Variants in DROSHA observed in about 807,000 individuals in gnomAD.
DROSHA encodes ribonuclease 3.
A neutral mutation model predicts 181.9 loss-of-function variants in DROSHA; 56 were observed. The observed-to-expected ratio is 0.31, with a 90% CI of 0.25 to 0.38. The LOEUF is 0.38. DROSHA is among the 10% of genes least tolerant of loss of function. DROSHA has a pLI of 1.00. For synonymous variants in DROSHA, 524 were observed against 591.2 expected (o/e 0.89, Z 1.65); for missense variants, 1,218 against 1,743.5 (o/e 0.70, Z 5.37).
intron 13 of DROSHA, among the ~76,000 whole-genome samples, chr5:31,491,071 AACT>A (rs753673898): frequency 4.6e-5 from 7 of 152,122 alleles, no homozygotes; most frequent in Non-Finnish European, 8.8e-5. Flanking sequence ...GTAAACCTAA[AACT>A]ACTATTTTTT....
rs1417451671 is a variant in DROSHA at position 31,449,321 on chromosome 5, G to A, written c.2781C>T (p.Tyr927=). ...GCATGTGATGAACTTTTCTGTCTCC[G>A]TATTTGGGCTGCCGAATTCCACAGT... ...LSNCGIRQPK[Y]GDRKVHHMHM... is the part of the protein sequence containing the mutation. Residue 927 remains tyrosine, a synonymous_variant, in exon 22 of 36, where the codon TAC becomes TAT. Coordinates refer to ENST00000344624, the MANE Select transcript of DROSHA (RefSeq NM_001382508.1). The A allele has an allele frequency of 5.0e-6, 8 of 1,613,558 alleles. No homozygotes were observed. The highest frequency in any genetic ancestry group is 4.0e-5 in the African/African-American group (3 of 74,912).
chr5:31,443,514 AG>A (rs1745897610), intron 23 of DROSHA, among the ~76,000 whole-genome samples: 1 of 152,198 alleles, frequency 6.6e-6, no homozygotes, highest in Non-Finnish European at 1.5e-5. Context: ...TTGTGCTAAC[AG>A]TTCATCACAA....
At chr5:31,522,092 T>G (rs928641140) in intron 5 of DROSHA, among the ~76,000 whole-genome samples, 1 of 152,158 alleles carries the variant, frequency 6.6e-6, no homozygotes. Flanking sequence ...AAAATAGAAC[T>G]TACAAAACTG....
At position 31,511,129 on chromosome 5, in the gene DROSHA, G is replaced by A. The variant is rs1423556512; in HGVS notation, c.1338C>T (p.Asp446=). 1 of 1,613,832 alleles carries A rather than the reference G, an allele frequency of 6.2e-7. No individual in the cohort carries two copies. Among genetic ancestry groups the A allele is most frequent in the Non-Finnish European group, 8.5e-7 (1 of 1,179,842 alleles). Residue 446 remains aspartate (D), a synonymous_variant, in exon 9 of 36, where the codon GAC becomes GAT. Transcript: ENST00000344624. The part of the protein sequence containing the change: ...VGTSRLRDLY[D]KFEEELGSRQ... ...TGCTCCCCAACTCCTCCTCAAATTT[G>A]TCATATAAGTCACGAAGCCTACTCG...
chr5:31,407,835 G>A (rs1740837786), intron 33 of DROSHA, among the ~76,000 whole-genome samples: 1 of 152,098 alleles, frequency 6.6e-6, no homozygotes, highest in Admixed American at 6.6e-5. Flanking sequence ...GGAAAGTTTA[G>A]CATCCTCATT....
intron 30 of DROSHA, among the ~76,000 whole-genome samples, chr5:31,414,160 T>C (rs1194762319): frequency 6.6e-6 from 1 of 151,754 alleles, no homozygotes; most frequent in Non-Finnish European, 1.5e-5. Context: ...CACTTTCCTG[T>C]AGGGGAAGGG....
rs894486427 is a variant in DROSHA at position 31,407,193 on chromosome 5, T to C, written c.3855-248A>G. On this transcript the variant is annotated intron_variant, in intron 33 of 35. Coordinates refer to ENST00000344624, the MANE Select transcript of DROSHA (RefSeq NM_001382508.1). ...ATTTTAATATTTCTTCCCAAAGTAA[T>C]ATAAATAACATCAAAAGGCTAACAG... The C allele has an allele frequency of 4.5e-5, 13 of 285,864 alleles. No homozygotes were observed. The Admixed American group carries it at 5.5e-4, about 12-fold the overall frequency. The allele number at this position is 285,864 out of a possible 1,614,324, so 17.7% of individuals were successfully genotyped here.
intron 24 of DROSHA, 115 bp from the exon 25 acceptor site, chr5:31,435,979 A>C: frequency 1.2e-6 from 1 of 846,140 alleles, no homozygotes; most frequent in Non-Finnish European, 1.8e-6. Flanking sequence ...TATCAGGTGA[A>C]TCAAACTAAA....
At chr5:31,525,520 A>AG (rs1294567293) in intron 5 of DROSHA, among the ~76,000 whole-genome samples, 1 of 151,020 alleles carries the variant, frequency 6.6e-6, no homozygotes, top group East Asian at 1.9e-4. Flanking sequence ...AAAAAAAAAA[A>AG]AAAAAAAAGA....
intron 23 of DROSHA, among the ~76,000 whole-genome samples, chr5:31,442,590 A>G (rs1745724252): frequency 6.6e-6 from 1 of 152,194 alleles, no homozygotes; most frequent in Non-Finnish European, 1.5e-5. Flanking sequence ...AATGCACTTT[A>G]TAAAACACAA....
intron 10 of DROSHA, 79 bp downstream of exon 10, chr5:31,508,542 C>A: frequency 6.3e-7 from 1 of 1,588,236 alleles, no homozygotes. Flanking sequence ...TACTAGGCAA[C>A]ATGTATCTTC....
chr5:31,520,492 C>T (rs1051382008), intron 6 of DROSHA, among the ~76,000 whole-genome samples: 10 of 152,030 alleles, frequency 6.6e-5, no homozygotes, highest in African/African-American at 2.4e-4. Flanking sequence ...TACTTCAGGC[C>T]CAGTTCTAAG....
chr5:31,481,567 A>G (rs1429663254), intron 16 of DROSHA, among the ~76,000 whole-genome samples: 4 of 152,252 alleles, frequency 2.6e-5, no homozygotes, highest in African/African-American at 9.6e-5. Flanking sequence ...TTCATTCACC[A>G]GAAGAGAAGA....
At chr5:31,506,250 T>C (rs1005907604) in intron 10 of DROSHA, among the ~76,000 whole-genome samples, 1 of 150,946 alleles carries the variant, frequency 6.6e-6, no homozygotes, top group Non-Finnish European at 1.5e-5. Context: ...TAATCCCAGC[T>C]ACTCATGAGG....
In DROSHA at chr5:31,450,698, G is replaced by T. The variant is rs186120019; in HGVS notation, c.2682+835C>A. Among the ~76,000 whole-genome samples the T allele has an allele frequency of 4.3e-3, 651 of 152,126 alleles. 5 individuals carry two copies. Among genetic ancestry groups the T allele is most frequent in the African/African-American group, 0.015 (614 of 41,492 alleles). On this transcript the variant is annotated intron_variant, in intron 21 of 35. Coordinates refer to ENST00000344624, the MANE Select transcript of DROSHA (RefSeq NM_001382508.1). ...TCAGATGGGGAGTGTTGGGAGGGGG[G>T]TGAGGGATGAAAAACTACCTATTAG...
chr5:31,497,752 T>G (rs1753160447), intron 11 of DROSHA, among the ~76,000 whole-genome samples: 1 of 152,218 alleles, frequency 6.6e-6, no homozygotes, highest in Non-Finnish European at 1.5e-5. Flanking sequence ...GCTGTCGTGT[T>G]GGTGGCTGGG....
intron 16 of DROSHA, among the ~76,000 whole-genome samples, chr5:31,480,819 T>C (rs1750952460): frequency 2.0e-5 from 3 of 152,104 alleles, no homozygotes; most frequent in African/African-American, 7.2e-5. Flanking sequence ...TTCAGCCTCA[T>C]GGAACTCACC....
At chr5:31,484,832 T>A (rs1275624926) in intron 15 of DROSHA, 49 bp downstream of exon 15, 3 of 1,325,054 alleles carry the variant, frequency 2.3e-6, no homozygotes, top group Non-Finnish European at 2.1e-6. Flanking sequence ...ACATATACCA[T>A]AATGTTCTTC....
At position 31,484,788 on chromosome 5, in the gene DROSHA, C is replaced by T. The variant is rs12173038; in HGVS notation, c.1996+93G>A. 0.023 allele frequency: 20,194 copies of T among 870,706 alleles called. 1,481 individuals carry two copies. The East Asian group carries it at 0.26, about 11-fold the overall frequency. The allele number at this position is 870,706 out of a possible 1,614,324, so 53.9% of individuals were successfully genotyped here. A position where few individuals can be genotyped will look rare whatever the true frequency, so the allele number is the denominator to read the frequency against. On this transcript the variant is annotated intron_variant, in intron 15 of 35. Coordinates refer to ENST00000344624, the MANE Select transcript of DROSHA (RefSeq NM_001382508.1). ...GGTATTTAAAAAATAAGAGAAATTT[C>T]AACTATCTCCCTACAACTTTTATAA...
Sources: gnomAD v4.1 joint callset for allele counts (sites outside exome capture counted in the v4.1 genomes callset) on GRCh38, gnomAD v4.1.1 for gene constraint, MANE v1.5 for transcripts, NCBI Gene and HGNC (gene_info 2026-07-23, HGNC 2026-07-21) for gene names.